The following IFT25 variants were observed in gnomAD, a reference collection of about 807,000 sequenced individuals.
The protein encoded by IFT25 is intraflagellar transport protein 25 homolog.
chr1:53,925,714 G>T, the IFT25 span, among the ~76,000 whole-genome samples: 1 of 150,404 alleles, frequency 6.6e-6, no homozygotes. Context: ...ATACTTAGGA[G>T]AGAACATAAA....
chr1:53,929,941 T>C, the IFT25 span: 2 of 1,431,658 alleles, frequency 1.4e-6, no homozygotes, highest in Non-Finnish European at 1.8e-6. Context: ...ATATGCCTTC[T>C]GCCTGTGGAA....
the IFT25 span, among the ~76,000 whole-genome samples, chr1:53,924,815 T>C: frequency 6.6e-6 from 1 of 152,046 alleles, no homozygotes; most frequent in Non-Finnish European, 1.5e-5. Context: ...CCAGCCTGGG[T>C]GACAGGGCAA....
At chr1:53,912,100 T>C in the IFT25 span, among the ~76,000 whole-genome samples, 1 of 152,162 alleles carries the variant, frequency 6.6e-6, no homozygotes, top group Non-Finnish European at 1.5e-5. Flanking sequence ...ATGATGGGAC[T>C]GAAGCACAGA....
chr1:53,918,779 A>G, the IFT25 span, among the ~76,000 whole-genome samples: 1 of 152,172 alleles, frequency 6.6e-6, no homozygotes, highest in Non-Finnish European at 1.5e-5. Context: ...TCACATCAGG[A>G]AGCATACTGT....
the IFT25 span, among the ~76,000 whole-genome samples, chr1:53,938,967 G>A: frequency 1.5e-4 from 22 of 151,248 alleles, no homozygotes; most frequent in African/African-American, 4.4e-4. Flanking sequence ...CCAGCTACTC[G>A]GGAGGCTGAG....
At chr1:53,935,183 G>T in the IFT25 span, among the ~76,000 whole-genome samples, 1 of 152,054 alleles carries the variant, frequency 6.6e-6, no homozygotes, top group Non-Finnish European at 1.5e-5. Context: ...ATGTGGTGGG[G>T]CCTGCCTTAA....
the IFT25 span, chr1:53,921,826 G>T: frequency 9.8e-7 from 1 of 1,018,374 alleles, no homozygotes; most frequent in Non-Finnish European, 1.6e-6. Context: ...CTGTTAACAA[G>T]CAGTTAGCAA....
the IFT25 span, among the ~76,000 whole-genome samples, chr1:53,938,633 T>C: frequency 1.3e-5 from 2 of 152,176 alleles, no homozygotes; most frequent in African/African-American, 2.4e-5. Flanking sequence ...AGACCTCTCT[T>C]ACCACAAGTC....
the IFT25 span, among the ~76,000 whole-genome samples, chr1:53,937,670 C>T: frequency 6.6e-6 from 1 of 152,088 alleles, no homozygotes; most frequent in Non-Finnish European, 1.5e-5. Context: ...TATGAACATA[C>T]TCGCTTGAGA....
chr1:53,912,425 A>G, the IFT25 span, among the ~76,000 whole-genome samples: 2 of 152,226 alleles, frequency 1.3e-5, no homozygotes, highest in Non-Finnish European at 2.9e-5. Context: ...TTAATCTCAC[A>G]GGGGACCAGA....
chr1:53,938,833 G>A, the IFT25 span, among the ~76,000 whole-genome samples: 2 of 152,102 alleles, frequency 1.3e-5, no homozygotes, highest in Non-Finnish European at 2.9e-5. Context: ...TCAGCATTTT[G>A]AGAGGCCAAG....
At chr1:53,911,961 G>T in the IFT25 span, among the ~76,000 whole-genome samples, 1 of 152,124 alleles carries the variant, frequency 6.6e-6, no homozygotes, top group African/African-American at 2.4e-5. Context: ...CCTTTTTTGG[G>T]GGGTTGGAGG....
At chr1:53,915,364 A>C in the IFT25 span, among the ~76,000 whole-genome samples, 1 of 152,188 alleles carries the variant, frequency 6.6e-6, no homozygotes, top group Non-Finnish European at 1.5e-5. Context: ...GCCCCGAGTA[A>C]TTCAATTGGA....
At chr1:53,939,166 C>T in the IFT25 span, among the ~76,000 whole-genome samples, 14 of 150,504 alleles carry the variant, frequency 9.3e-5, 1 homozygote, top group Admixed American at 2.0e-4. Flanking sequence ...CTAAGGTGCG[C>T]GGATCACAAG....
the IFT25 span, among the ~76,000 whole-genome samples, chr1:53,933,301 A>C: frequency 1.3e-5 from 2 of 151,590 alleles, no homozygotes; most frequent in Non-Finnish European, 2.9e-5. Flanking sequence ...CGCCTGGCTA[A>C]TTTTTTTTAT....
the IFT25 span, among the ~76,000 whole-genome samples, chr1:53,915,961 G>A: frequency 6.6e-6 from 1 of 152,180 alleles, no homozygotes; most frequent in African/African-American, 2.4e-5. Flanking sequence ...AAGGTAGGAG[G>A]ATCCTGTGAG....
chr1:53,915,304 A>G, the IFT25 span, among the ~76,000 whole-genome samples: 1 of 152,208 alleles, frequency 6.6e-6, no homozygotes, highest in Non-Finnish European at 1.5e-5. Flanking sequence ...GTAAACAGAA[A>G]AAATACGTTA....
the IFT25 span, among the ~76,000 whole-genome samples, chr1:53,931,823 T>A: frequency 6.6e-6 from 1 of 152,208 alleles, no homozygotes; most frequent in Non-Finnish European, 1.5e-5. Context: ...TTTTTTCTAA[T>A]AATTGTCTAT....
chr1:53,943,999 A>T, the IFT25 span, among the ~76,000 whole-genome samples: 1 of 152,164 alleles, frequency 6.6e-6, no homozygotes, highest in Non-Finnish European at 1.5e-5. Flanking sequence ...GTACTCTCCA[A>T]ATGTTCAGTT....
Sources: allele counts gnomAD v4.1 joint callset (sites outside exome capture counted in the v4.1 genomes callset), GRCh38; gene constraint gnomAD v4.1.1; transcripts MANE v1.5; gene names NCBI Gene and HGNC (gene_info 2026-07-23, HGNC 2026-07-21).